Variants in SH3TC1 observed in about 807,000 individuals in gnomAD.
SH3TC1 encodes the protein SH3 domain and tetratricopeptide repeats 1.
Under a neutral mutation model 117.3 loss-of-function variants are expected in SH3TC1, and 135 were observed. The observed-to-expected ratio is 1.15, with a 90% CI of 1.00 to 1.33. The LOEUF is 1.33. Ranked by LOEUF, SH3TC1 falls within the 40% of genes most tolerant of loss-of-function variation. The pLI, the probability that SH3TC1 is intolerant of heterozygous loss-of-function variation, is 0.00. For missense variants in SH3TC1, 2,092 were observed against 1,794.3 expected (o/e 1.17, Z -3.00); for synonymous variants, 898 against 816.9 (o/e 1.10, Z -1.69).
intron 1 of SH3TC1, among the ~76,000 whole-genome samples, chr4:8,191,579 T>C (rs571446076): frequency 2.2e-4 from 33 of 152,306 alleles, no homozygotes; most frequent in African/African-American, 7.0e-4. Context: ...GTCCTAGCCC[T>C]TTCCGGGGGA....
Position 8,188,596 on chromosome 4 carries a change from C to T in SH3TC1, c.-57+6386C>T, listed in dbSNP as rs561719116. On this transcript the variant is annotated intron_variant, in intron 1 of 16. Coordinates refer to the SH3TC1 transcript ENST00000508641. ...GTTTCCCGGTCCCCCCTCTGTGGTA[C>T]CTGGACCGCTACGCTACCCTTGGTG... Among the ~76,000 whole-genome samples the T allele has an allele frequency of 4.6e-5, 7 of 152,344 alleles. No individual in the cohort carries two copies. The East Asian group carries it at 1.4e-3, about 29-fold the overall frequency.
chr4:8,227,457 G>C lies in SH3TC1; in HGVS notation c.1763G>C (p.Gly588Ala). 1 of 1,562,404 alleles carries C rather than the reference G, an allele frequency of 6.4e-7. No homozygotes were observed. The change falls in exon 12 of 18, where the codon GGG becomes GCG. Residue 588 changes from glycine to alanine, a missense_variant. Transcript: ENST00000245105. ...QARVYFEEALGALEGSFGDLF... is the reference protein window; with the variant it reads ...QARVYFEEALAALEGSFGDLF... The stretch of plus-strand genomic sequence containing the variant: ...CGGGTGTACTTTGAGGAAGCGCTGG[G>C]GGCCCTGGAGGGCAGCTTCGGGGAC...
chr4:8,188,684 G>C (rs998136136), intron 1 of SH3TC1, among the ~76,000 whole-genome samples: 1 of 152,198 alleles, frequency 6.6e-6, no homozygotes, highest in Non-Finnish European at 1.5e-5. Flanking sequence ...CAGCAAGCAA[G>C]TGAGGGGAGA....
chr4:8,187,554 CTTT>C (rs764585932), intron 1 of SH3TC1, among the ~76,000 whole-genome samples: 4 of 139,940 alleles, frequency 2.9e-5, no homozygotes, highest in African/African-American at 2.6e-5. Flanking sequence ...CTTTTCTTTT[CTTT>C]TTTTTTTTTT....
intron 1 of SH3TC1, among the ~76,000 whole-genome samples, chr4:8,185,678 G>T (rs1438323886): frequency 1.3e-5 from 2 of 152,236 alleles, no homozygotes; most frequent in East Asian, 3.8e-4. Flanking sequence ...TATCACAGCT[G>T]CTGGCTACCT....
chr4:8,226,013 C>T (rs1443847220), intron 11 of SH3TC1, among the ~76,000 whole-genome samples: 9 of 152,130 alleles, frequency 5.9e-5, no homozygotes, highest in African/African-American at 2.2e-4. Flanking sequence ...CTTAGCTAAT[C>T]TAGTGTAGTC....
chr4:8,232,942 C>T, intron 13 of SH3TC1: 1 of 1,192,766 alleles, frequency 8.4e-7, no homozygotes, highest in Non-Finnish European at 1.1e-6. Context: ...CGCCCCAGGC[C>T]CGTGGAGCCA....
chr4:8,203,370 G>A (rs186240309), intron 1 of SH3TC1, among the ~76,000 whole-genome samples: 2 of 152,218 alleles, frequency 1.3e-5, no homozygotes, highest in Admixed American at 6.5e-5. Flanking sequence ...TGGGGAGGTA[G>A]GCCTTCCCTG....
intron 8 of SH3TC1, among the ~76,000 whole-genome samples, chr4:8,218,914 C>T (rs561945673): frequency 5.8e-4 from 88 of 152,026 alleles, no homozygotes; most frequent in African/African-American, 2.0e-3. Context: ...CCTGTCAGAG[C>T]TGCCGGTGTC....
At position 8,228,655 on chromosome 4, in the gene SH3TC1, C is replaced by T. The variant is rs758449242; in HGVS notation, c.2950+11C>T. 1.4e-6 allele frequency: 2 copies of T among 1,464,414 alleles called. No individual in the cohort carries two copies. The highest frequency in any genetic ancestry group is 1.8e-6 in the Non-Finnish European group (2 of 1,108,766). 90.7% of individuals were successfully genotyped at this position (1,464,414 alleles called of 1,614,324 possible). A position where few individuals can be genotyped will look rare whatever the true frequency, so the allele number is the denominator to read the frequency against. On this transcript the variant is annotated intron_variant, in intron 12 of 17. Coordinates refer to ENST00000245105, the MANE Select transcript of SH3TC1 (RefSeq NM_018986.5). ...TGGGCCACGTGGAGAGTGAGTGCCCCAGTTCCTTCTGTGTGCCTTCCGGGG... is the reference window on the plus strand; with the variant it reads ...TGGGCCACGTGGAGAGTGAGTGCCCTAGTTCCTTCTGTGTGCCTTCCGGGG...
chr4:8,232,526 C>G, intron 13 of SH3TC1: 3 of 1,379,918 alleles, frequency 2.2e-6, no homozygotes, highest in Non-Finnish European at 2.9e-6. Flanking sequence ...TCACCTGTCC[C>G]CTTAAATGTG....
Position 8,229,961 on chromosome 4 carries a change from A to ATGAGGAT in SH3TC1, c.2950+1317_2950+1318insTGAGGAT, listed in dbSNP as rs1300173483. Reference sequence around the variant, plus strand: ...AGTCGAGGAGACCGGGGGCCAGGGGACGAGGATCATGCTTCCCTGTCTCCC... The same window carrying ATGAGGAT: ...AGTCGAGGAGACCGGGGGCCAGGGGATGAGGATCGAGGATCATGCTTCCCTGTCTCCC... On this transcript the variant is annotated intron_variant, in intron 12 of 17. Transcript: ENST00000245105. Among the ~76,000 whole-genome samples the ATGAGGAT allele has an allele frequency of 7.9e-4, 110 of 139,148 alleles. 6 individuals are homozygous for ATGAGGAT. The highest frequency in any genetic ancestry group is 1.6e-3 in the South Asian group (7 of 4,498). 91.3% of individuals were successfully genotyped at this position (139,148 alleles called of 152,430 possible).
chr4:8,220,897 G>T (rs1400512571), intron 9 of SH3TC1, among the ~76,000 whole-genome samples: 1 of 152,250 alleles, frequency 6.6e-6, no homozygotes, highest in Non-Finnish European at 1.5e-5. Flanking sequence ...ACTGATGGCA[G>T]GAGCTAGACC....
rs1399195826 is a variant in SH3TC1 at position 8,225,238 on chromosome 4, G to C, written c.1285+22G>C. ...AAAGGTGGGTTTTGCCAGTGGCTCA[G>C]GCTTCCTCTGGTTATGAGCTGGGCC... is the stretch of plus-strand genomic sequence containing the variant. On this transcript the variant is annotated intron_variant, in intron 11 of 17. Coordinates refer to ENST00000245105, the MANE Select transcript of SH3TC1 (RefSeq NM_018986.5). This position sits in a 1 kb window ranked among gnomAD's most constrained non-coding sequence, Gnocchi z 5.5. The C allele has an allele frequency of 1.2e-6, 2 of 1,610,220 alleles. No individual in the cohort carries two copies. The highest frequency in any genetic ancestry group is 3.4e-5 in the Admixed American group (2 of 59,340).
Position 8,214,592 on chromosome 4 carries a change from AC to A in SH3TC1, c.481+15del. On this transcript the variant is annotated intron_variant, in intron 5 of 17. Transcript: ENST00000245105. ...CTACCATGCTCTCGGTAAAGAGGTG[AC>A]CCTCCCAGAATTGGTCATGGGGACG... is the stretch of plus-strand genomic sequence containing the variant. The A allele has an allele frequency of 6.2e-7, 1 of 1,611,430 alleles. No individual in the cohort carries two copies. Among genetic ancestry groups the A allele is most frequent in the Non-Finnish European group, 8.5e-7 (1 of 1,178,040 alleles).
chr4:8,228,422 G>T lies in SH3TC1; in HGVS notation c.2728G>T (p.Gly910Trp). The T allele has an allele frequency of 6.2e-7, 1 of 1,605,830 alleles. No homozygotes were observed. The highest frequency in any genetic ancestry group is 8.5e-7 in the Non-Finnish European group (1 of 1,175,946). Residue 910 changes from glycine (G) to tryptophan (W), a missense_variant, in exon 12 of 18, where the codon GGG (glycine) becomes TGG (tryptophan). Transcript: ENST00000245105. ...CCAGGCAGTGGGGCTGGCCAACTTCGGGGCCCTGTGCCTGCATGCGGGTGC... is the reference window on the plus strand; with the variant it reads ...CCAGGCAGTGGGGCTGGCCAACTTCTGGGCCCTGTGCCTGCATGCGGGTGC... ...RNQAVGLANF[G>W]ALCLHAGASR...
intron 8 of SH3TC1, 62 bp from the exon 9 acceptor site, chr4:8,219,273 G>A: frequency 1.4e-6 from 2 of 1,480,194 alleles, no homozygotes; most frequent in East Asian, 2.4e-5. Flanking sequence ...CATCGGCCCT[G>A]TCTGCCCGCT....
At chr4:8,236,234 G>A (rs1371384789) in intron 15 of SH3TC1, 44 bp from the exon 16 acceptor site, 3 of 1,511,214 alleles carry the variant, frequency 2.0e-6, no homozygotes, top group Non-Finnish European at 2.7e-6. Context: ...CGCTGGGCAA[G>A]GTGGGTGCTG....
chr4:8,189,665 CCGG>C (rs1329385204), intron 1 of SH3TC1, among the ~76,000 whole-genome samples: 1 of 152,168 alleles, frequency 6.6e-6, no homozygotes, highest in Non-Finnish European at 1.5e-5. Context: ...AGATTCAGGG[CCGG>C]CGGGGGGCAG....
Sources: allele counts gnomAD v4.1 joint callset (sites outside exome capture counted in the v4.1 genomes callset), GRCh38; gene constraint gnomAD v4.1.1; non-coding constraint Gnocchi (gnomAD v3.1); transcripts MANE v1.5; gene names NCBI Gene and HGNC (gene_info 2026-07-23, HGNC 2026-07-21).